Variants in TRAPPC9 observed in about 807,000 individuals in gnomAD.
TRAPPC9 encodes the protein IKK2 binding protein.
Under a neutral mutation model 124.0 loss-of-function variants are expected in TRAPPC9, and 83 were observed. The observed-to-expected ratio is 0.67, with a 90% CI of 0.56 to 0.80. TRAPPC9 has a LOEUF of 0.80. Among genes scored for constraint, TRAPPC9 ranks in the 30% least tolerant of loss-of-function variants. The probability of loss-of-function intolerance (pLI) is 0.00; values close to 1 mark genes in which losing one functional copy is unlikely to be tolerated. For synonymous variants in TRAPPC9, 638 were observed against 617.5 expected (o/e 1.03, Z -0.49); for missense variants, 1,302 against 1,508.3 (o/e 0.86, Z 2.27).
intron 4 of TRAPPC9, among the ~76,000 whole-genome samples, chr8:140,433,068 C>T (rs1486415469): frequency 2.0e-5 from 3 of 152,032 alleles, no homozygotes; most frequent in African/African-American, 4.8e-5. Context: ...TTTGGGAGGC[C>T]GAAGCGGGTG....
At chr8:139,941,675 G>A (rs1012238673) in intron 19 of TRAPPC9, among the ~76,000 whole-genome samples, 7 of 152,198 alleles carry the variant, frequency 4.6e-5, no homozygotes, top group Non-Finnish European at 7.3e-5. Context: ...TGCCCAGACA[G>A]CGTGACTGTA....
intron 19 of TRAPPC9, among the ~76,000 whole-genome samples, chr8:139,970,237 C>T (rs549975382): frequency 1.3e-5 from 2 of 152,336 alleles, no homozygotes; most frequent in South Asian, 4.1e-4. Context: ...CCAGCTCTGC[C>T]GCCTGACGCT....
chr8:140,149,750 C>T (rs1324591682), intron 17 of TRAPPC9, among the ~76,000 whole-genome samples: 1 of 152,156 alleles, frequency 6.6e-6, no homozygotes, highest in Non-Finnish European at 1.5e-5. Flanking sequence ...AGTCATCATC[C>T]ACGGTTCCAG....
chr8:139,849,045 T>G (rs1827280442), intron 21 of TRAPPC9, among the ~76,000 whole-genome samples: 1 of 152,236 alleles, frequency 6.6e-6, no homozygotes, highest in Non-Finnish European at 1.5e-5. Context: ...TTACTCAAGG[T>G]GCCAACTGGC....
chr8:139,929,375 T>TGC (rs1310196763), intron 19 of TRAPPC9, among the ~76,000 whole-genome samples: 1 of 152,122 alleles, frequency 6.6e-6, no homozygotes, highest in Non-Finnish European at 1.5e-5. Context: ...TAAGACAAGG[T>TGC]GCCTTGAAAT....
chr8:140,203,201 A>G (rs1272201816), intron 17 of TRAPPC9, among the ~76,000 whole-genome samples: 4 of 152,240 alleles, frequency 2.6e-5, no homozygotes, highest in Non-Finnish European at 5.9e-5. Flanking sequence ...TGAACAAAGC[A>G]AGACACAAAA....
intron 17 of TRAPPC9, among the ~76,000 whole-genome samples, chr8:140,191,441 C>T (rs1378289698): frequency 1.3e-5 from 2 of 152,128 alleles, no homozygotes; most frequent in African/African-American, 4.8e-5. Flanking sequence ...TCATGAGGGA[C>T]CAATCCCTCC....
At chr8:139,989,065 G>A (rs1008311430) in intron 18 of TRAPPC9, among the ~76,000 whole-genome samples, 2 of 152,158 alleles carry the variant, frequency 1.3e-5, no homozygotes, top group African/African-American at 2.4e-5. Flanking sequence ...TTGGGCCCGG[G>A]GTCCTGGGGA....
chr8:140,059,478 T>C (rs1440757204), intron 17 of TRAPPC9, among the ~76,000 whole-genome samples: 2 of 152,238 alleles, frequency 1.3e-5, no homozygotes, highest in Non-Finnish European at 2.9e-5. Flanking sequence ...GAAGTGAGTT[T>C]GCTTCATTGT....
intron 21 of TRAPPC9, among the ~76,000 whole-genome samples, chr8:139,756,933 C>T (rs1378167601): frequency 2.2e-5 from 3 of 135,922 alleles, no homozygotes; most frequent in Admixed American, 7.3e-5. Flanking sequence ...CAGGAGGAGC[C>T]AGGGTTGGGG....
At chr8:139,772,814 G>A (rs577744636) in intron 21 of TRAPPC9, among the ~76,000 whole-genome samples, 6 of 151,994 alleles carry the variant, frequency 3.9e-5, no homozygotes, top group Admixed American at 1.3e-4. Context: ...CAATCCTCTC[G>A]GACTGGTGTC....
intron 16 of TRAPPC9, among the ~76,000 whole-genome samples, chr8:140,232,462 C>T (rs2063622990): frequency 6.6e-6 from 1 of 152,130 alleles, no homozygotes; most frequent in African/African-American, 2.4e-5. Flanking sequence ...GGAGCAGAGT[C>T]ACTGGATGAA....
chr8:139,751,158 G>C (rs1247670276), intron 21 of TRAPPC9, among the ~76,000 whole-genome samples: 1 of 152,206 alleles, frequency 6.6e-6, no homozygotes, highest in African/African-American at 2.4e-5. Context: ...GGTCAACATA[G>C]TCAGCCCACC....
intron 21 of TRAPPC9, among the ~76,000 whole-genome samples, chr8:139,769,940 G>A (rs1245639950): frequency 1.3e-5 from 2 of 152,234 alleles, no homozygotes; most frequent in African/African-American, 4.8e-5. Flanking sequence ...TATGACACTT[G>A]TGACCCTAGC....
chr8:139,923,588 C>G (rs566333199), intron 19 of TRAPPC9, among the ~76,000 whole-genome samples: 31 of 150,920 alleles, frequency 2.1e-4, no homozygotes, highest in African/African-American at 7.5e-4. Context: ...CTCCTTCTCT[C>G]CCTGTGCTTC....
chr8:139,986,715 T>C lies in TRAPPC9; in HGVS notation c.2810+2011A>G, dbSNP rs942643115. 5.3e-5 allele frequency among the ~76,000 whole-genome samples: 8 copies of C among 152,344 alleles called. No homozygotes were observed. In the East Asian group the frequency reaches 1.2e-3, roughly 22 times the overall value. ...ACTGGCTTAGTTTTTCCTTCTGCTA[T>C]AAAGCTGATACATCATGAAATGTAC... On this transcript the variant is annotated intron_variant, in intron 19 of 22. Coordinates refer to ENST00000438773, the MANE Select transcript of TRAPPC9 (RefSeq NM_001160372.4).
At chr8:140,211,024 T>TA (rs1554644620) in intron 17 of TRAPPC9, among the ~76,000 whole-genome samples, 1,904 of 152,102 alleles carry the variant, frequency 0.013, 33 homozygotes, top group African/African-American at 0.042. Context: ...TTTTTTTTTT[T>TA]TAAAAACTTG....
At chr8:140,382,560 T>C (rs905338246) in intron 7 of TRAPPC9, among the ~76,000 whole-genome samples, 2 of 152,146 alleles carry the variant, frequency 1.3e-5, no homozygotes, top group Non-Finnish European at 2.9e-5. Flanking sequence ...GCCTCGCTCA[T>C]TGCTAGCACA....
chr8:140,354,534 T>A (rs2067681852), intron 9 of TRAPPC9, among the ~76,000 whole-genome samples: 1 of 152,174 alleles, frequency 6.6e-6, no homozygotes, highest in African/African-American at 2.4e-5. Flanking sequence ...AGGGTACACA[T>A]GGAGCAGAAG....
Sources: gnomAD v4.1 joint callset for allele counts (sites outside exome capture counted in the v4.1 genomes callset) on GRCh38, gnomAD v4.1.1 for gene constraint, MANE v1.5 for transcripts, NCBI Gene and HGNC (gene_info 2026-07-23, HGNC 2026-07-21) for gene names.